Variants in DGKB observed in about 807,000 individuals in gnomAD.
DGKB encodes the protein diacylglycerol kinase beta.
A neutral mutation model predicts 114.3 loss-of-function variants in DGKB; 67 were observed. That is an observed-to-expected ratio of 0.59 (90% CI 0.48 to 0.72). The LOEUF (loss-of-function observed/expected upper bound fraction) is 0.72, where lower values mean the gene tolerates loss of function less well. Ranked by LOEUF, DGKB falls within the 30% of genes least tolerant of loss-of-function variation. The probability of loss-of-function intolerance (pLI) is 0.00; values close to 1 mark genes in which losing one functional copy is unlikely to be tolerated. For missense variants in DGKB, 907 were observed against 975.2 expected (o/e 0.93, Z 0.93); for synonymous variants, 398 against 323.1 (o/e 1.23, Z -2.49).
intron 21 of DGKB, among the ~76,000 whole-genome samples, chr7:14,431,809 T>TA (rs910545863): frequency 1.3e-5 from 2 of 152,002 alleles, no homozygotes; most frequent in African/African-American, 4.8e-5. Flanking sequence ...AGATTTTTCA[T>TA]AAAAAATATA....
intron 23 of DGKB, among the ~76,000 whole-genome samples, chr7:14,238,956 T>C (rs988584673): frequency 6.6e-6 from 1 of 152,096 alleles, no homozygotes; most frequent in Non-Finnish European, 1.5e-5. Flanking sequence ...ATGATTATGT[T>C]ACAGTGAAGA....
intron 20 of DGKB, among the ~76,000 whole-genome samples, chr7:14,560,515 CT>C (rs1796500854): frequency 6.6e-6 from 1 of 152,102 alleles, no homozygotes; most frequent in Non-Finnish European, 1.5e-5. Flanking sequence ...AAGGTTCATC[CT>C]TTTAGTTGCA....
intron 21 of DGKB, among the ~76,000 whole-genome samples, chr7:14,407,216 G>C (rs1279501920): frequency 3.9e-5 from 6 of 152,064 alleles, no homozygotes; most frequent in African/African-American, 1.4e-4. Context: ...GCCATGTTAG[G>C]GAGTTAGAAA....
chr7:14,280,132 T>C (rs1002049805), intron 23 of DGKB, among the ~76,000 whole-genome samples: 1 of 151,390 alleles, frequency 6.6e-6, no homozygotes, highest in African/African-American at 2.4e-5. Flanking sequence ...GAAGAATGTA[T>C]AACTAGAATA....
chr7:14,161,183 G>T (rs1249380437), intron 25 of DGKB, among the ~76,000 whole-genome samples: 1 of 152,144 alleles, frequency 6.6e-6, no homozygotes, highest in East Asian at 1.9e-4. Context: ...GAGAGGATAT[G>T]GAGAAATAGG....
At chr7:14,178,489 A>C (rs1385287395) in intron 23 of DGKB, among the ~76,000 whole-genome samples, 1 of 152,018 alleles carries the variant, frequency 6.6e-6, no homozygotes, top group Non-Finnish European at 1.5e-5. Context: ...AGGACCATTT[A>C]TACATCCCAC....
chr7:14,462,694 C>T (rs1833260514), intron 21 of DGKB, among the ~76,000 whole-genome samples: 1 of 152,096 alleles, frequency 6.6e-6, no homozygotes, highest in Non-Finnish European at 1.5e-5. Context: ...TCAATGCTAT[C>T]CCCATCAAGC....
At position 14,893,564 on chromosome 7, in the gene DGKB, G is replaced by A. The variant is rs571785050; in HGVS notation, c.-188+9028C>T. Among the ~76,000 whole-genome samples the A allele has an allele frequency of 1.1e-3, 161 of 151,206 alleles. 2 individuals are homozygous for A. The highest frequency in any genetic ancestry group is 6.8e-3 in the Middle Eastern group (2 of 292). On this transcript the variant is annotated intron_variant, in intron 1 of 25. Coordinates refer to ENST00000402815, the MANE Select transcript of DGKB (RefSeq NM_001350709.2). ...TGCCAAGACTTCATTCCCCATCTAT[G>A]CCACCAAATTTTTATATCTCTTTCC... is the stretch of plus-strand genomic sequence containing the variant.
intron 1 of DGKB, among the ~76,000 whole-genome samples, chr7:14,874,540 A>T (rs1200262879): frequency 6.6e-6 from 1 of 151,982 alleles, no homozygotes; most frequent in East Asian, 1.9e-4. Flanking sequence ...TACAAAGCAC[A>T]TATCATATAA....
At chr7:14,796,113 C>G (rs959658821) in intron 2 of DGKB, among the ~76,000 whole-genome samples, 1 of 152,108 alleles carries the variant, frequency 6.6e-6, no homozygotes, top group African/African-American at 2.4e-5. Flanking sequence ...GGTGAAATCA[C>G]TGATGCTTTA....
At chr7:14,845,171 C>T (rs1039452742) in intron 1 of DGKB, among the ~76,000 whole-genome samples, 11 of 148,918 alleles carry the variant, frequency 7.4e-5, no homozygotes, top group African/African-American at 2.5e-4. Context: ...AAAAATATCC[C>T]CCAGTTCATT....
At chr7:14,454,397 T>C (rs1831972105) in intron 21 of DGKB, among the ~76,000 whole-genome samples, 1 of 152,154 alleles carries the variant, frequency 6.6e-6, no homozygotes. Flanking sequence ...AAACACATTT[T>C]AAGGCAATTA....
chr7:14,772,381 C>T (rs746358430), intron 2 of DGKB, among the ~76,000 whole-genome samples: 7 of 152,098 alleles, frequency 4.6e-5, no homozygotes, highest in Non-Finnish European at 7.4e-5. Flanking sequence ...TACAGTTTGT[C>T]GCTAAACTTC....
At chr7:14,870,623 C>T (rs1396683572) in intron 1 of DGKB, among the ~76,000 whole-genome samples, 1 of 152,038 alleles carries the variant, frequency 6.6e-6, no homozygotes, top group Non-Finnish European at 1.5e-5. Context: ...TGGTGAAAGT[C>T]CGTCTCTACT....
At chr7:14,804,070 G>T (rs868139724) in intron 2 of DGKB, among the ~76,000 whole-genome samples, 3,215 of 146,598 alleles carry the variant, frequency 0.022, 111 homozygotes, top group African/African-American at 0.075. Flanking sequence ...TCACTTTTTG[G>T]GTGTGTGTGT....
chr7:14,504,920 G>A (rs568182554), intron 20 of DGKB, among the ~76,000 whole-genome samples: 8 of 152,118 alleles, frequency 5.3e-5, no homozygotes, highest in African/African-American at 9.6e-5. Flanking sequence ...TTGTTAATTC[G>A]ATAGTCATCT....
At chr7:14,812,964 G>A (rs896852947) in intron 2 of DGKB, among the ~76,000 whole-genome samples, 5 of 151,974 alleles carry the variant, frequency 3.3e-5, no homozygotes, top group African/African-American at 1.2e-4. Context: ...TAGTAAATAT[G>A]ACTTTGAGAA....
intron 23 of DGKB, among the ~76,000 whole-genome samples, chr7:14,316,814 G>A (rs888215551): frequency 1.5e-4 from 22 of 150,710 alleles, no homozygotes; most frequent in Admixed American, 3.3e-4. Context: ...TATCAAAGCC[G>A]GGCAGAGACA....
chr7:14,387,097 A>ATTATTAT (rs1820469874), intron 21 of DGKB, among the ~76,000 whole-genome samples: 1 of 147,220 alleles, frequency 6.8e-6, no homozygotes, highest in African/African-American at 2.5e-5. Flanking sequence ...GTTTCTTTTG[A>ATTATTAT]TTATTTATTT....
Sources: allele counts gnomAD v4.1 joint callset (sites outside exome capture counted in the v4.1 genomes callset), GRCh38; gene constraint gnomAD v4.1.1; transcripts MANE v1.5; gene names NCBI Gene and HGNC (gene_info 2026-07-23, HGNC 2026-07-21).